The following PRKCB variants were observed in gnomAD, a reference collection of about 807,000 sequenced individuals.
PRKCB encodes the protein protein kinase C beta type.
Under a neutral mutation model 81.5 loss-of-function variants are expected in PRKCB, and 13 were observed. The ratio of observed to expected loss-of-function variants is 0.16; its 90% CI spans 0.10 to 0.25. The LOEUF (loss-of-function observed/expected upper bound fraction) is 0.25, where lower values mean the gene tolerates loss of function less well. Among genes scored for constraint, PRKCB ranks in the 10% least tolerant of loss-of-function variants. The probability of loss-of-function intolerance (pLI) is 1.00; values close to 1 mark genes in which losing one functional copy is unlikely to be tolerated. For synonymous variants in PRKCB, 335 were observed against 321.4 expected, an observed-to-expected ratio of 1.04 and a Z score of -0.45; for missense variants, 509 against 875.7, an observed-to-expected ratio of 0.58 and a Z score of 5.29.
At chr16:24,077,752 G>C (rs532135835) in intron 5 of PRKCB, among the ~76,000 whole-genome samples, 5 of 152,336 alleles carry the variant, frequency 3.3e-5, no homozygotes, top group Non-Finnish European at 5.9e-5. Context: ...ACAACAGTAG[G>C]AGAAACAGGA....
chr16:23,898,543 T>C (rs1963416697), intron 2 of PRKCB, among the ~76,000 whole-genome samples: 1 of 152,026 alleles, frequency 6.6e-6, no homozygotes. Context: ...GTATTACAAA[T>C]GAGAAGAATG....
chr16:23,959,587 A>G (rs1352535714), intron 2 of PRKCB, among the ~76,000 whole-genome samples: 2 of 152,208 alleles, frequency 1.3e-5, no homozygotes, highest in African/African-American at 4.8e-5. Flanking sequence ...AGAAATAGAT[A>G]CAAACTTGCT....
intron 15 of PRKCB, among the ~76,000 whole-genome samples, chr16:24,189,088 T>G (rs1335945045): frequency 2.0e-5 from 3 of 152,086 alleles, no homozygotes; most frequent in South Asian, 4.1e-4. Context: ...AAACCTCTCC[T>G]GACAAAGCCA....
chr16:24,101,825 G>T (rs1966511960), intron 7 of PRKCB, among the ~76,000 whole-genome samples: 1 of 152,116 alleles, frequency 6.6e-6, no homozygotes, highest in Non-Finnish European at 1.5e-5. Context: ...GAGCAGGGAA[G>T]AAAAAAACGG....
At position 24,123,955 on chromosome 16, in the gene PRKCB, G is replaced by T. The variant is rs766920124; in HGVS notation, c.1039G>T (p.Val347Leu). 1 of 1,614,156 alleles carries T rather than the reference G, an allele frequency of 6.2e-7. No individual in the cohort carries two copies. Among genetic ancestry groups the T allele is most frequent in the Non-Finnish European group, 8.5e-7 (1 of 1,180,018 alleles). ...ACTGACCGATTTTAACTTCCTAATG[G>T]TGCTGGGGAAAGGCAGCTTTGGCAA... The part of the protein sequence containing the change: ...MKLTDFNFLM[V>L]LGKGSFGKVM... Residue 347 changes from valine to leucine, a missense_variant, in exon 9 of 17, where the codon GTG becomes TTG. By Grantham distance (32) the Val-to-Leu change is conservative. Coordinates refer to ENST00000643927, the MANE Select transcript of PRKCB (RefSeq NM_002738.7).
intron 2 of PRKCB, among the ~76,000 whole-genome samples, chr16:23,899,952 G>A (rs1357710089): frequency 6.6e-6 from 1 of 152,102 alleles, no homozygotes; most frequent in African/African-American, 2.4e-5. Context: ...CTCCCAAAGT[G>A]CAGGGATTAC....
chr16:24,061,730 C>T (rs894466103), intron 5 of PRKCB, among the ~76,000 whole-genome samples: 4 of 151,806 alleles, frequency 2.6e-5, no homozygotes, highest in African/African-American at 9.7e-5. Flanking sequence ...ATTTTTATTT[C>T]CCAAAAGAAG....
intron 5 of PRKCB, among the ~76,000 whole-genome samples, chr16:24,088,740 G>A (rs12928235): frequency 0.057 from 8,263 of 145,172 alleles, 682 homozygotes; most frequent in African/African-American, 0.18. Flanking sequence ...AAAAAAAATT[G>A]CTCTTAAACC....
intron 15 of PRKCB, among the ~76,000 whole-genome samples, chr16:24,190,058 G>T (rs1458978310): frequency 2.6e-5 from 4 of 152,028 alleles, no homozygotes; most frequent in African/African-American, 9.7e-5. Flanking sequence ...GTTTCATCTT[G>T]GCGCATCTAT....
intron 5 of PRKCB, among the ~76,000 whole-genome samples, chr16:24,071,859 C>A (rs1246099748): frequency 6.6e-6 from 1 of 152,070 alleles, no homozygotes; most frequent in Non-Finnish European, 1.5e-5. Flanking sequence ...AGTAACCATG[C>A]CCAAGCCTTT....
rs879463604 is a variant in PRKCB at position 23,851,826 on chromosome 16, A to AT, written c.205+14430dup. 5.7e-3 allele frequency among the ~76,000 whole-genome samples: 856 copies of AT among 149,330 alleles called. 5 individuals carry two copies. Among genetic ancestry groups the AT allele is most frequent in the African/African-American group, 0.019 (775 of 40,798 alleles). On this transcript the variant is annotated intron_variant, in intron 2 of 16. Coordinates refer to ENST00000643927, the MANE Select transcript of PRKCB (RefSeq NM_002738.7). ...CCTTGGATACATTTACACCTAAGTA[A>AT]TTTTTTTTTTGCTGCTATTGTAAAT...
At chr16:23,940,919 G>A (rs1196210956) in intron 2 of PRKCB, among the ~76,000 whole-genome samples, 10 of 152,144 alleles carry the variant, frequency 6.6e-5, no homozygotes, top group Admixed American at 4.6e-4. Flanking sequence ...TATGGATTTG[G>A]TTAAATAATG....
intron 3 of PRKCB, among the ~76,000 whole-genome samples, chr16:23,994,353 G>A (rs1964928638): frequency 6.6e-6 from 1 of 152,196 alleles, no homozygotes; most frequent in African/African-American, 2.4e-5. Flanking sequence ...TGGATAATTA[G>A]AATAGACATA....
chr16:23,988,741 T>A, intron 3 of PRKCB, 151 bp downstream of exon 3: 1 of 707,736 alleles, frequency 1.4e-6, no homozygotes, highest in Non-Finnish European at 2.2e-6. Flanking sequence ...GTTTTCCTTT[T>A]AGTGGAAAAC....
chr16:24,073,760 G>A (rs1472139183), intron 5 of PRKCB, among the ~76,000 whole-genome samples: 1 of 152,200 alleles, frequency 6.6e-6, no homozygotes, highest in African/African-American at 2.4e-5. Context: ...TTCTGAGATG[G>A]AAAGATGCTA....
intron 2 of PRKCB, among the ~76,000 whole-genome samples, chr16:23,932,776 C>T (rs1436098718): frequency 6.6e-6 from 1 of 152,188 alleles, no homozygotes; most frequent in African/African-American, 2.4e-5. Context: ...TGTTCCTTTC[C>T]CTGGTTTCTG....
chr16:23,915,011 G>A (rs541687767), intron 2 of PRKCB, among the ~76,000 whole-genome samples: 55 of 152,296 alleles, frequency 3.6e-4, no homozygotes, highest in African/African-American at 1.3e-3. Context: ...GCCCCTCTGG[G>A]CAGCCTTTTC....
chr16:23,853,227 A>T (rs1349905423), intron 2 of PRKCB, among the ~76,000 whole-genome samples: 1 of 152,160 alleles, frequency 6.6e-6, no homozygotes, highest in Non-Finnish European at 1.5e-5. Context: ...TAACAGACAA[A>T]CCTTGAAGTC....
intron 2 of PRKCB, among the ~76,000 whole-genome samples, chr16:23,856,647 A>C (rs1219952977): frequency 6.6e-6 from 1 of 151,658 alleles, no homozygotes; most frequent in African/African-American, 2.4e-5. Context: ...CCTCATTCTC[A>C]TGAGTAGCTG....
Sources: gnomAD v4.1 joint callset for allele counts (sites outside exome capture counted in the v4.1 genomes callset) on GRCh38, gnomAD v4.1.1 for gene constraint, MANE v1.5 for transcripts, NCBI Gene and HGNC (gene_info 2026-07-23, HGNC 2026-07-21) for gene names.